The following TMTC2 variants were observed in gnomAD, a reference collection of about 807,000 sequenced individuals.
TMTC2 encodes protein O-mannosyl-transferase TMTC2.
In TMTC2, 43 loss-of-function variants were observed where a neutral mutation model predicts 82.4. The observed-to-expected ratio is 0.52, with a 90% CI of 0.41 to 0.67. The LOEUF is 0.67. TMTC2 is among the 30% of genes least tolerant of loss of function. The pLI is 0.00. For missense variants in TMTC2, 919 were observed against 1,012.4 expected (o/e 0.91, Z 1.25); for synonymous variants, 408 against 381.9 (o/e 1.07, Z -0.80).
At chr12:82,879,575 C>A (rs779606989) in intron 2 of TMTC2, among the ~76,000 whole-genome samples, 12 of 152,154 alleles carry the variant, frequency 7.9e-5, no homozygotes, top group Non-Finnish European at 1.8e-4. Context: ...CGGTTCGTGG[C>A]CCAGGATTTG....
intron 4 of TMTC2, among the ~76,000 whole-genome samples, chr12:82,948,296 C>G (rs79983984): frequency 0.035 from 5,367 of 151,996 alleles, 115 homozygotes; most frequent in South Asian, 0.054. Flanking sequence ...GCCCAAGAGA[C>G]TCAGGCTGCA....
chr12:83,014,052 A>G (rs931820884), intron 8 of TMTC2, among the ~76,000 whole-genome samples: 3 of 152,138 alleles, frequency 2.0e-5, no homozygotes, highest in Non-Finnish European at 2.9e-5. Context: ...AATTTTGCCT[A>G]TGTTTTTCTA....
At chr12:83,029,077 G>GAATAATGAGTTAATGAAGGATGTAGC (rs1881304351) in intron 8 of TMTC2, among the ~76,000 whole-genome samples, 1 of 152,180 alleles carries the variant, frequency 6.6e-6, no homozygotes, top group Non-Finnish European at 1.5e-5. Context: ...CTAGCTACTA[G>GAATAATGAGTTAATGAAGGATGTAGC]AATAATGAGT....
chr12:83,065,504 A>G (rs1203927546), intron 11 of TMTC2, among the ~76,000 whole-genome samples: 1 of 151,928 alleles, frequency 6.6e-6, no homozygotes, highest in African/African-American at 2.4e-5. Flanking sequence ...TACCATTACC[A>G]TTTTAAAATT....
intron 11 of TMTC2, among the ~76,000 whole-genome samples, chr12:83,063,226 G>A (rs1882804584): frequency 6.6e-6 from 1 of 151,386 alleles, no homozygotes; most frequent in East Asian, 1.9e-4. Context: ...GTTAATGAGG[G>A]TCTTATTACC....
intron 10 of TMTC2, among the ~76,000 whole-genome samples, chr12:83,056,216 G>A (rs1460048074): frequency 6.6e-6 from 1 of 151,984 alleles, no homozygotes; most frequent in African/African-American, 2.4e-5. Context: ...TTCTCAAAGA[G>A]ATATTAACAT....
At chr12:82,832,824 G>A (rs1769985855) in intron 1 of TMTC2, among the ~76,000 whole-genome samples, 3 of 152,120 alleles carry the variant, frequency 2.0e-5, no homozygotes, top group Admixed American at 6.6e-5. Context: ...AAAAAGGGAC[G>A]GAAGACAAAG....
At chr12:82,714,691 G>A (rs948926388) in intron 1 of TMTC2, among the ~76,000 whole-genome samples, 2 of 152,020 alleles carry the variant, frequency 1.3e-5, no homozygotes, top group African/African-American at 4.8e-5. Flanking sequence ...CAGGAATTGT[G>A]TTAGGGACCG....
chr12:82,885,581 G>T (rs1222602640), intron 2 of TMTC2, among the ~76,000 whole-genome samples: 1 of 151,560 alleles, frequency 6.6e-6, no homozygotes, highest in African/African-American at 2.4e-5. Flanking sequence ...TGTTGCCCAA[G>T]TGGGTCCTGA....
chr12:82,985,022 G>T (rs28532142), intron 7 of TMTC2, among the ~76,000 whole-genome samples: 1 of 136,956 alleles, frequency 7.3e-6, no homozygotes, highest in East Asian at 2.2e-4. Flanking sequence ...AATTTATTTA[G>T]TTAATTTTAT....
At chr12:83,105,400 T>A (rs902628163) in intron 11 of TMTC2, among the ~76,000 whole-genome samples, 4 of 152,114 alleles carry the variant, frequency 2.6e-5, no homozygotes, top group African/African-American at 9.7e-5. Flanking sequence ...AATTCATAAG[T>A]AAGAGGTTTA....
At chr12:83,055,451 T>C (rs1882502239) in intron 10 of TMTC2, among the ~76,000 whole-genome samples, 1 of 151,968 alleles carries the variant, frequency 6.6e-6, no homozygotes, top group Non-Finnish European at 1.5e-5. Context: ...AAAAAGCAGA[T>C]TGGTTATCAT....
chr12:82,777,831 G>A (rs905732627), intron 1 of TMTC2, among the ~76,000 whole-genome samples: 10 of 151,882 alleles, frequency 6.6e-5, no homozygotes, highest in Admixed American at 2.0e-4. Context: ...CTAAATTGTT[G>A]ATGTTCATGC....
At chr12:82,856,293 C>A (rs1871256823) in intron 1 of TMTC2, among the ~76,000 whole-genome samples, 1 of 152,098 alleles carries the variant, frequency 6.6e-6, no homozygotes, top group African/African-American at 2.4e-5. Context: ...GGTAGTAAGT[C>A]CCATGAAAGC....
rs557380189 is a variant in TMTC2, at chr12:82,703,592, G to A, written c.83+15923G>A. Reference sequence around the variant, plus strand: ...CGGCTCACTGCAAGCTCCACCTCCCGGGTTCACGCCATTCTCCTGCCTCAG... The same window carrying A: ...CGGCTCACTGCAAGCTCCACCTCCCAGGTTCACGCCATTCTCCTGCCTCAG... On this transcript the variant is annotated intron_variant, in intron 1 of 11. Coordinates refer to ENST00000321196, the MANE Select transcript of TMTC2 (RefSeq NM_152588.3). Among the ~76,000 whole-genome samples, 266 of 150,190 alleles carry A rather than the reference G, an allele frequency of 1.8e-3. 2 individuals are homozygous for A. Among genetic ancestry groups the A allele is most frequent in the East Asian group, 8.7e-3 (44 of 5,050 alleles).
intron 3 of TMTC2, among the ~76,000 whole-genome samples, chr12:82,896,984 C>T (rs1050316299): frequency 1.3e-5 from 2 of 152,110 alleles, no homozygotes; most frequent in African/African-American, 4.8e-5. Flanking sequence ...AGGTACAGCT[C>T]TTTTATCATA....
rs114663260 is a variant in TMTC2 at position 82,823,282 on chromosome 12, A to G, written c.84-33728A>G. Among the ~76,000 whole-genome samples the G allele has an allele frequency of 5.4e-3, 827 of 152,334 alleles. 11 individuals are homozygous for G. The highest frequency in any genetic ancestry group is 0.019 in the African/African-American group (789 of 41,574). ...TCTCACAGAACTCGGGACCACCATG[A>G]TGGTCATTCAGTATTATATCTTCTG... On this transcript the variant is annotated intron_variant, in intron 1 of 11. Transcript: ENST00000321196.
chr12:82,724,184 A>G (rs1237699527), intron 1 of TMTC2, among the ~76,000 whole-genome samples: 1 of 152,204 alleles, frequency 6.6e-6, no homozygotes, highest in African/African-American at 2.4e-5. Flanking sequence ...ACAATCATTT[A>G]TTAACTTTGG....
intron 9 of TMTC2, among the ~76,000 whole-genome samples, chr12:83,045,805 T>C (rs2031959756): frequency 6.6e-6 from 1 of 150,528 alleles, no homozygotes; most frequent in Non-Finnish European, 1.5e-5. Flanking sequence ...TAACTGTTTC[T>C]CTAAAGTAAT....
Sources: gnomAD v4.1 joint callset for allele counts (sites outside exome capture counted in the v4.1 genomes callset) on GRCh38, gnomAD v4.1.1 for gene constraint, MANE v1.5 for transcripts, NCBI Gene and HGNC (gene_info 2026-07-23, HGNC 2026-07-21) for gene names.